The following RNF135 variants were observed in gnomAD, a reference collection of about 807,000 sequenced individuals.
RNF135 encodes the protein ring finger protein 135.
Under a neutral mutation model 41.9 loss-of-function variants are expected in RNF135, and 46 were observed. The ratio of observed to expected loss-of-function variants is 1.10; its 90% confidence interval spans 0.87 to 1.40. The LOEUF is 1.40. Among genes scored for constraint, RNF135 ranks in the 40% most tolerant of loss-of-function variants. The pLI is 0.00. For synonymous variants in RNF135, 238 were observed against 223.8 expected, an observed-to-expected ratio of 1.06 and a Z score of -0.57; for missense variants, 539 against 549.8, an observed-to-expected ratio of 0.98 and a Z score of 0.20.
At chr17:30,993,807 A>C (rs942574681) in intron 3 of RNF135, 1 of 918,264 alleles carries the variant, frequency 1.1e-6, no homozygotes, top group African/African-American at 1.7e-5. Context: ...CTGCTGAATT[A>C]ATTAATTAAT....
intron 1 of RNF135, chr17:30,971,814 C>A: frequency 1.3e-6 from 1 of 785,430 alleles, no homozygotes; most frequent in Non-Finnish European, 1.6e-6. Flanking sequence ...GACGGAGTCT[C>A]GCTCTGTCGC....
At chr17:30,978,159 C>A (rs1906630234) in intron 1 of RNF135, among the ~76,000 whole-genome samples, 3 of 152,126 alleles carry the variant, frequency 2.0e-5, no homozygotes, top group Non-Finnish European at 4.4e-5. Context: ...GCTTTAGGAT[C>A]CTTTCTTTAA....
At chr17:30,980,296 C>T (rs1906990807) in intron 1 of RNF135, 1 of 135,272 alleles carries the variant, frequency 7.4e-6, no homozygotes. Flanking sequence ...GGCAGAGGCG[C>T]CCCTCACCTC....
At chr17:30,970,932 G>C, upstream of RNF135, 1 of 1,178,654 alleles carries the variant, frequency 8.5e-7, no homozygotes. Context: ...TCGGAGGAAG[G>C]AGACGGGGTG....
Position 30,984,613 on chromosome 17 carries a change from G to A in RNF135, c.373-4G>A. 6.2e-7 allele frequency: 1 copy of A among 1,614,110 alleles called. No individual in the cohort carries two copies. The highest frequency in any genetic ancestry group is 8.5e-7 in the Non-Finnish European group (1 of 1,180,028). ...CCCAGGACCTGAACTTTGCTATTTT[G>A]AAGGTGGCAGTAGAGAAGAGCATCA... On this transcript the variant is annotated splice_region_variant and splice_polypyrimidine_tract_variant and intron_variant, in intron 1 of 4. Transcript: ENST00000328381.
upstream of RNF135, among the ~76,000 whole-genome samples, chr17:30,966,399 TTTTTA>T (rs1255346345): frequency 2.2e-5 from 3 of 136,920 alleles, no homozygotes; most frequent in South Asian, 2.1e-4. Flanking sequence ...TTTTATTATT[TTTTTA>T]TTTTATTTTA....
At chr17:30,988,211 C>A in intron 3 of RNF135, 105 bp downstream of exon 3, 1 of 1,088,062 alleles carries the variant, frequency 9.2e-7, no homozygotes, top group Non-Finnish European at 1.4e-6. Context: ...CAGAGTCCAG[C>A]TGTATTACCA....
upstream of RNF135, among the ~76,000 whole-genome samples, chr17:30,966,348 TTTTTA>T (rs1223729485): frequency 7.4e-6 from 1 of 135,834 alleles, no homozygotes; most frequent in Non-Finnish European, 1.5e-5. Flanking sequence ...TTTTAATTTA[TTTTTA>T]TTTTATTTAT....
At chr17:30,971,020 G>C, upstream of RNF135, 1 of 1,532,338 alleles carries the variant, frequency 6.5e-7, no homozygotes, top group Non-Finnish European at 8.7e-7. Context: ...GGAGGAGCCT[G>C]AGGAGACTCG....
chr17:30,990,248 C>T (rs577514426), intron 3 of RNF135, among the ~76,000 whole-genome samples: 1 of 151,170 alleles, frequency 6.6e-6, no homozygotes, highest in Admixed American at 6.6e-5. Context: ...CAGGGCTGGG[C>T]GCGGTGGCTC....
intron 1 of RNF135, among the ~76,000 whole-genome samples, chr17:30,984,009 T>C (rs950657713): frequency 6.6e-5 from 10 of 152,204 alleles, no homozygotes; most frequent in African/African-American, 2.4e-4. Flanking sequence ...TATGTTTTTA[T>C]TGTTGAGTTT....
At chr17:30,967,813 T>G (rs1905613153), upstream of RNF135, among the ~76,000 whole-genome samples, 2 of 151,924 alleles carry the variant, frequency 1.3e-5, no homozygotes. Context: ...ATGATTCTCT[T>G]GCCTCAGCCT....
chr17:30,970,910 T>C (rs185139940), upstream of RNF135: 9,497 of 1,018,738 alleles, frequency 9.3e-3, 59 homozygotes, highest in Non-Finnish European at 0.011. Context: ...TCTAAGTCTG[T>C]TTTCAGCAGG....
chr17:30,999,020 G>C lies in RNF135; in HGVS notation c.1128G>C (p.Val376=). 1 of 1,614,114 alleles carries C rather than the reference G, an allele frequency of 6.2e-7. No homozygotes were observed. Among genetic ancestry groups the C allele is most frequent in the African/African-American group, 1.3e-5 (1 of 75,018 alleles). The change falls in exon 5 of 5, where the codon GTG becomes GTC. Residue 376 remains valine, a synonymous_variant. Coordinates refer to ENST00000328381, the MANE Select transcript of RNF135 (RefSeq NM_032322.4). Reference sequence around the variant, plus strand: ...TTGGCTCAGACAGACCTGGGGTGGTGGGCATCTGGCTGAACCTTGAGGAGG... The same window carrying C: ...TTGGCTCAGACAGACCTGGGGTGGTCGGCATCTGGCTGAACCTTGAGGAGG... The part of the protein sequence containing the change: ...TVLGSDRPGV[V]GIWLNLEEGK...
At chr17:30,984,794 G>A (rs751243726) in intron 2 of RNF135, 34 bp downstream of exon 2, 3 of 1,611,376 alleles carry the variant, frequency 1.9e-6, no homozygotes, top group South Asian at 1.1e-5. Flanking sequence ...GGATGTGGAA[G>A]GGAATAGGGC....
intron 3 of RNF135, among the ~76,000 whole-genome samples, chr17:30,994,620 T>A (rs935870159): frequency 6.6e-6 from 1 of 152,018 alleles, no homozygotes; most frequent in African/African-American, 2.4e-5. Context: ...TTTTCTTTTT[T>A]GTAACTTTAT....
At chr17:30,997,577 G>T (rs1450036388) in intron 4 of RNF135, 4 of 580,034 alleles carry the variant, frequency 6.9e-6, no homozygotes, top group Non-Finnish European at 1.0e-5. Context: ...ACAGCCAACT[G>T]CCTGTTCCCA....
intron 1 of RNF135, among the ~76,000 whole-genome samples, chr17:30,979,659 G>T (rs1215293543): frequency 5.7e-4 from 76 of 133,300 alleles, no homozygotes; most frequent in African/African-American, 2.0e-3. Context: ...CCAGGCGGGG[G>T]GCTGATCCCC....
Position 30,971,364 on chromosome 17 carries a change from C to T in RNF135, c.291C>T (p.Asp97=), listed in dbSNP as rs1243400994. Residue 97 remains aspartate (D), a synonymous_variant, in exon 1 of 5, where the codon GAC becomes GAT. Transcript: ENST00000328381. The part of the protein sequence containing the change: ...RAAREIQAGS[D]PAHCPCPGSS... ...CACGCGAGATACAGGCGGGCTCCGACCCTGCCCACTGCCCCTGCCCGGGCT... is the reference window on the plus strand; with the variant it reads ...CACGCGAGATACAGGCGGGCTCCGATCCTGCCCACTGCCCCTGCCCGGGCT... The T allele has an allele frequency of 1.0e-5, 16 of 1,529,450 alleles. No homozygotes were observed. Among genetic ancestry groups the T allele is most frequent in the Non-Finnish European group, 1.4e-5 (16 of 1,142,930 alleles). The allele number at this position is 1,529,450 out of a possible 1,614,324, so 94.7% of individuals were successfully genotyped here.
Sources: allele counts gnomAD v4.1 joint callset (sites outside exome capture counted in the v4.1 genomes callset), GRCh38; gene constraint gnomAD v4.1.1; transcripts MANE v1.5; gene names NCBI Gene and HGNC (gene_info 2026-07-23, HGNC 2026-07-21).